SCN2A: variants seen among roughly 807,000 people sequenced by gnomAD.
SCN2A encodes the protein sodium channel protein type 2 subunit alpha.
A neutral mutation model predicts 188.7 loss-of-function variants in SCN2A; 20 were observed. The observed-to-expected ratio is 0.11, with a 90% CI of 0.07 to 0.15. SCN2A has a LOEUF of 0.15. SCN2A is among the 10% of genes least tolerant of loss of function. The pLI, the probability that SCN2A is intolerant of heterozygous loss-of-function variation, is 1.00. For synonymous variants in SCN2A, 804 were observed against 833.1 expected (o/e 0.97, Z 0.60); for missense variants, 1,278 against 2,445.0 (o/e 0.52, Z 10.07).
At chr2:165,352,228 T>A (rs60646078) in intron 16 of SCN2A, among the ~76,000 whole-genome samples, 20,976 of 152,038 alleles carry the variant, frequency 0.14, 1,493 homozygotes, top group Non-Finnish European at 0.15. Context: ...CAAATTACAA[T>A]AAAACATAAT....
intron 11 of SCN2A, 53 bp downstream of exon 11, chr2:165,315,811 A>G (rs1340829033): frequency 3.2e-6 from 5 of 1,574,562 alleles, no homozygotes; most frequent in Non-Finnish European, 4.3e-6. Context: ...TTAAAAAAAT[A>G]TGCCAGAATT....
chr2:165,292,455 T>C (rs1360315099), intron 1 of SCN2A, among the ~76,000 whole-genome samples: 1 of 152,116 alleles, frequency 6.6e-6, no homozygotes, highest in Non-Finnish European at 1.5e-5. Flanking sequence ...ACCCAATAGG[T>C]AGTTTTTCAA....
chr2:165,353,143 G>T (rs1257761582), intron 16 of SCN2A, among the ~76,000 whole-genome samples: 1 of 151,042 alleles, frequency 6.6e-6, no homozygotes, highest in African/African-American at 2.4e-5. Context: ...GACCCAATTT[G>T]CAGACTGATT....
chr2:165,344,475 TAAAAA>T, intron 15 of SCN2A, 75 bp from the exon 16 acceptor site: 1 of 884,786 alleles, frequency 1.1e-6, no homozygotes, highest in Non-Finnish European at 1.5e-6. Flanking sequence ...AAATAAAAAA[TAAAAA>T]AATAAAAATA....
At chr2:165,366,717 C>CAAA (rs10680037) in intron 18 of SCN2A, among the ~76,000 whole-genome samples, 3,520 of 125,102 alleles carry the variant, frequency 0.028, 159 homozygotes, top group African/African-American at 0.076. Flanking sequence ...GACTCCCTCT[C>CAAA]AAAAAAAAAA....
chr2:165,365,712 G>A (rs1275502087), intron 18 of SCN2A, among the ~76,000 whole-genome samples: 3 of 151,966 alleles, frequency 2.0e-5, no homozygotes, highest in Non-Finnish European at 4.4e-5. Context: ...ATTGATAAGT[G>A]TACATTTAAA....
At chr2:165,297,359 C>A (rs986815941) in intron 3 of SCN2A, among the ~76,000 whole-genome samples, 2 of 152,188 alleles carry the variant, frequency 1.3e-5, no homozygotes, top group African/African-American at 4.8e-5. Context: ...TTACTTCTTT[C>A]TTCTCTTTTC....
At chr2:165,377,674 G>A (rs1237966255) in intron 23 of SCN2A, 24 bp downstream of exon 23, 3 of 1,575,396 alleles carry the variant, frequency 1.9e-6, no homozygotes, top group African/African-American at 1.3e-5. Flanking sequence ...GAGGGAAATT[G>A]TTTAGTTTGA....
chr2:165,368,044 T>C (rs1700821662), intron 19 of SCN2A, among the ~76,000 whole-genome samples: 1 of 152,292 alleles, frequency 6.6e-6, no homozygotes, highest in Middle Eastern at 3.4e-3. Flanking sequence ...CAAGTTCATG[T>C]CCGGCGTCCA....
chr2:165,345,432 CTCT>C (rs1158069142), intron 16 of SCN2A, among the ~76,000 whole-genome samples: 2 of 152,108 alleles, frequency 1.3e-5, no homozygotes, highest in African/African-American at 4.8e-5. Context: ...GGATAGTTAG[CTCT>C]TCTTGTTGCA....
rs1698177953 is a variant in SCN2A, at chr2:165,323,493, T to C, written c.2009T>C (p.Leu670Pro). 1 of 1,611,306 alleles carries C rather than the reference T, an allele frequency of 6.2e-7. No homozygotes were observed. Among genetic ancestry groups the C allele is most frequent in the South Asian group, 1.1e-5 (1 of 90,608 alleles). Residue 670 changes from leucine to proline, a missense_variant, in exon 12 of 27, where the codon CTA (leucine) becomes CCA (proline). Coordinates refer to ENST00000375437, the MANE Select transcript of SCN2A (RefSeq NM_001040142.2). ...PSTLTSAGQL[L>P]PEGTTTETEI... is the part of the protein sequence containing the mutation. ...ACCCTCACATCTGCTGGGCAGCTCC[T>C]ACCAGAGGTGAGGCCAATTAAAATT...
chr2:165,268,561 A>G (rs773247789), intron 1 of SCN2A: 4 of 152,402 alleles, frequency 2.6e-5, no homozygotes, highest in Non-Finnish European at 5.9e-5. Flanking sequence ...CATCTGTGAC[A>G]AACCCAGAAC....
Position 165,295,785 on chromosome 2 carries a change from C to G in SCN2A, c.-39C>G. 6.2e-7 allele frequency: 1 copy of G among 1,613,612 alleles called. No homozygotes were observed. The highest frequency in any genetic ancestry group is 8.5e-7 in the Non-Finnish European group (1 of 1,179,928). ...CCTGTTTCTGTAGCACTTTCTTATG[C>G]AAGGAGCTAAACAGTGATTAAAGGA... On this transcript the variant is annotated 5_prime_UTR_variant, in exon 2 of 27. Transcript: ENST00000375437.
chr2:165,283,407 T>C (rs994852747), intron 1 of SCN2A, among the ~76,000 whole-genome samples: 1 of 152,134 alleles, frequency 6.6e-6, no homozygotes, highest in African/African-American at 2.4e-5. Flanking sequence ...AACTCATCAA[T>C]AAATGAATAT....
intron 15 of SCN2A, among the ~76,000 whole-genome samples, chr2:165,344,130 G>T (rs1479043099): frequency 6.6e-6 from 1 of 152,036 alleles, no homozygotes; most frequent in African/African-American, 2.4e-5. Flanking sequence ...AGAAACAAAA[G>T]TGTATATTAC....
At chr2:165,277,876 T>C (rs531033773) in intron 1 of SCN2A, among the ~76,000 whole-genome samples, 2 of 152,354 alleles carry the variant, frequency 1.3e-5, no homozygotes, top group East Asian at 3.9e-4. Context: ...TATTCAGCTC[T>C]TTTAATGAAT....
chr2:165,312,994 G>A (rs533847026), intron 8 of SCN2A, among the ~76,000 whole-genome samples: 4 of 152,088 alleles, frequency 2.6e-5, no homozygotes, highest in South Asian at 4.2e-4. Context: ...TACTAAATGC[G>A]TTACATACAG....
At chr2:165,347,372 C>T (rs1211319145) in intron 16 of SCN2A, among the ~76,000 whole-genome samples, 2 of 150,406 alleles carry the variant, frequency 1.3e-5, no homozygotes, top group Admixed American at 6.6e-5. Context: ...TGTTCTCACT[C>T]ATAAGTGGGA....
intron 1 of SCN2A, among the ~76,000 whole-genome samples, chr2:165,286,512 T>C (rs1695837142): frequency 6.6e-6 from 1 of 152,186 alleles, no homozygotes; most frequent in Non-Finnish European, 1.5e-5. Context: ...TCAGAACATC[T>C]TATGTGTTTG....
Sources: gnomAD v4.1 joint callset for allele counts (sites outside exome capture counted in the v4.1 genomes callset) on GRCh38, gnomAD v4.1.1 for gene constraint, MANE v1.5 for transcripts, NCBI Gene and HGNC (gene_info 2026-07-23, HGNC 2026-07-21) for gene names.